The following XKR7 variants were observed in gnomAD, a reference collection of about 807,000 sequenced individuals.
The protein encoded by XKR7 is XK-related protein 7.
Under a neutral mutation model 42.2 loss-of-function variants are expected in XKR7, and 11 were observed. That is an observed-to-expected ratio of 0.26 (90% CI 0.16 to 0.43). The LOEUF is 0.43. Among genes scored for constraint, XKR7 ranks in the 20% least tolerant of loss-of-function variants. The probability of loss-of-function intolerance (pLI) is 1.00; values close to 1 mark genes in which losing one functional copy is unlikely to be tolerated. For missense variants in XKR7, 710 were observed against 802.2 expected (o/e 0.89, Z 1.39); for synonymous variants, 346 against 366.4 (o/e 0.94, Z 0.64).
intron 1 of XKR7, among the ~76,000 whole-genome samples, chr20:31,981,064 C>CAAAAA (rs1304530509): frequency 2.1e-5 from 2 of 94,496 alleles, no homozygotes; most frequent in African/African-American, 7.8e-5. Flanking sequence ...GACCCTGTCT[C>CAAAAA]AAAAAAAAAA....
Position 31,997,875 on chromosome 20 carries a change from TG to T in XKR7, c.*420del. On this transcript the variant is annotated 3_prime_UTR_variant, in exon 3 of 3. Transcript: ENST00000562532. ...GGTTGTGGAGAGTGGGCTGCCTCTA[TG>T]GTGGGAAAAGATCTCTGAGAAGGAT... is the stretch of plus-strand genomic sequence containing the variant. The T allele has an allele frequency of 5.6e-6, 1 of 178,292 alleles. No homozygotes were observed. The highest frequency in any genetic ancestry group is 5.4e-5 in the Admixed American group (1 of 18,598). 11.0% of individuals were successfully genotyped at this position (178,292 alleles called of 1,614,324 possible).
Position 31,996,596 on chromosome 20 carries a change from G to A in XKR7, c.879G>A (p.Pro293=), listed in dbSNP as rs1489809680. ...VLRDSRDDKR[P]LSYKGAVAQV... is the part of the protein sequence containing the mutation. ...GGGACTCGCGGGACGACAAGCGGCCGCTGTCCTACAAGGGCGCCGTGGCAC... is the reference window on the plus strand; with the variant it reads ...GGGACTCGCGGGACGACAAGCGGCCACTGTCCTACAAGGGCGCCGTGGCAC... Residue 293 remains proline, a synonymous_variant, in exon 3 of 3, where the codon CCG becomes CCA. Coordinates refer to ENST00000562532, the MANE Select transcript of XKR7 (RefSeq NM_001011718.2). The A allele has an allele frequency of 2.6e-6, 4 of 1,553,452 alleles. No individual in the cohort carries two copies. The highest frequency in any genetic ancestry group is 2.0e-5 in the Admixed American group (1 of 50,272).
At chr20:31,970,369 T>C (rs912820499) in intron 1 of XKR7, 2 of 152,234 alleles carry the variant, frequency 1.3e-5, no homozygotes, top group African/African-American at 4.8e-5. Flanking sequence ...TTCTCTTCTT[T>C]GTTAAGCATA....
At chr20:31,978,207 G>A (rs907467223) in intron 1 of XKR7, among the ~76,000 whole-genome samples, 4 of 152,114 alleles carry the variant, frequency 2.6e-5, no homozygotes, top group African/African-American at 9.7e-5. Flanking sequence ...CCAGACTCAA[G>A]CGATCCTCCT....
chr20:31,972,710 C>T lies in XKR7; in HGVS notation c.584+3951C>T, dbSNP rs561560749. ...TGACATGGGATTCCTGCCAGGCTTTCGGGATCTGGGAACCCCAAAATGGGG... is the reference window on the plus strand; with the variant it reads ...TGACATGGGATTCCTGCCAGGCTTTTGGGATCTGGGAACCCCAAAATGGGG... On this transcript the variant is annotated intron_variant, in intron 1 of 2. Coordinates refer to ENST00000562532, the MANE Select transcript of XKR7 (RefSeq NM_001011718.2). 4.6e-5 allele frequency among the ~76,000 whole-genome samples: 7 copies of T among 152,258 alleles called. No homozygotes were observed. The South Asian group carries it at 6.2e-4, about 14-fold the overall frequency.
chr20:31,977,592 A>T (rs2064491252), intron 1 of XKR7, among the ~76,000 whole-genome samples: 1 of 152,222 alleles, frequency 6.6e-6, no homozygotes, highest in Admixed American at 6.5e-5. Context: ...AACATCTACT[A>T]CAATGACTAT....
At chr20:31,989,064 T>TAAAC (rs905659435) in intron 1 of XKR7, among the ~76,000 whole-genome samples, 6 of 151,974 alleles carry the variant, frequency 3.9e-5, no homozygotes, top group Non-Finnish European at 8.8e-5. Flanking sequence ...AATAAATAAA[T>TAAAC]AAACGGTGAT....
chr20:31,985,176 G>T (rs2064531922), intron 1 of XKR7, among the ~76,000 whole-genome samples: 1 of 152,132 alleles, frequency 6.6e-6, no homozygotes, highest in African/African-American at 2.4e-5. Context: ...TCTCCCATCT[G>T]CCTCCCAGCC....
chr20:31,997,481 G>A lies in XKR7; in HGVS notation c.*24G>A. ...AGGCTACAGTGTCCCAGCACAAAAG[G>A]GACAGGCTTGGCTGATCCCACATCC... On this transcript the variant is annotated 3_prime_UTR_variant, in exon 3 of 3. Coordinates refer to ENST00000562532, the MANE Select transcript of XKR7 (RefSeq NM_001011718.2). 1 of 1,564,192 alleles carries A rather than the reference G, an allele frequency of 6.4e-7. No individual in the cohort carries two copies. Among genetic ancestry groups the A allele is most frequent in the Non-Finnish European group, 8.6e-7 (1 of 1,159,756 alleles).
chr20:31,976,246 G>C (rs1274068940), intron 1 of XKR7, among the ~76,000 whole-genome samples: 1 of 152,192 alleles, frequency 6.6e-6, no homozygotes, highest in Non-Finnish European at 1.5e-5. Context: ...AGGGTTTGAA[G>C]CCATGAGGTC....
rs889095960 is a variant in XKR7, at chr20:31,997,601, T to C, written c.*144T>C. 14 of 804,184 alleles carry C rather than the reference T, an allele frequency of 1.7e-5. No individual in the cohort carries two copies. In the South Asian group the frequency reaches 2.2e-4, roughly 13 times the overall value. 49.8% of individuals were successfully genotyped at this position (804,184 alleles called of 1,614,324 possible). A position where few individuals can be genotyped will look rare whatever the true frequency, so the allele number is the denominator to read the frequency against. ...AGAGTGGCCCCACTCTTGGGTTCTT[T>C]CAGGGGAGGGGGCAGCCTTGCGGAG... On this transcript the variant is annotated 3_prime_UTR_variant, in exon 3 of 3. Transcript: ENST00000562532.
chr20:31,976,277 G>A (rs2064484293), intron 1 of XKR7, among the ~76,000 whole-genome samples: 1 of 152,126 alleles, frequency 6.6e-6, no homozygotes, highest in Non-Finnish European at 1.5e-5. Flanking sequence ...ACCCACATGT[G>A]GAACCACCAA....
chr20:31,978,599 T>A (rs1249011185), intron 1 of XKR7, among the ~76,000 whole-genome samples: 1 of 152,238 alleles, frequency 6.6e-6, no homozygotes, highest in Non-Finnish European at 1.5e-5. Context: ...ATATCTGCAC[T>A]ATCCAATATA....
rs1390037597 is a variant in XKR7 at position 31,998,089 on chromosome 20, G to T, written c.*632G>T. 7.7e-6 allele frequency: 1 copy of T among 130,188 alleles called. No individual in the cohort carries two copies. The highest frequency in any genetic ancestry group is 1.6e-5 in the Non-Finnish European group (1 of 60,974). 8.1% of individuals were successfully genotyped at this position (130,188 alleles called of 1,614,324 possible). A position where few individuals can be genotyped will look rare whatever the true frequency, so the allele number is the denominator to read the frequency against. On this transcript the variant is annotated 3_prime_UTR_variant, in exon 3 of 3. Coordinates refer to ENST00000562532, the MANE Select transcript of XKR7 (RefSeq NM_001011718.2). ...TGGATAGGAGAAAGAACTGGGGGGG[G>T]GGTCTAGGCTGGCAGAAGCATGGAG...
chr20:31,981,701 A>C (rs1253858370), intron 1 of XKR7, among the ~76,000 whole-genome samples: 4 of 152,172 alleles, frequency 2.6e-5, no homozygotes, highest in Admixed American at 2.6e-4. Context: ...AAAAACAAAC[A>C]AACCAACAAA....
rs2064601601 is a variant in XKR7 at position 31,997,586 on chromosome 20, C to G, written c.*129C>G. ...TGTTGGTCCAAGGGTAGAGTGGCCC[C>G]ACTCTTGGGTTCTTTCAGGGGAGGG... On this transcript the variant is annotated 3_prime_UTR_variant, in exon 3 of 3. Coordinates refer to ENST00000562532, the MANE Select transcript of XKR7 (RefSeq NM_001011718.2). The G allele has an allele frequency of 1.1e-6, 1 of 909,896 alleles. No homozygotes were observed. The highest frequency in any genetic ancestry group is 2.9e-5 in the Admixed American group (1 of 34,458). The allele number at this position is 909,896 out of a possible 1,614,324, so 56.4% of individuals were successfully genotyped here.
chr20:31,971,125 G>GAGATAAGTCACA (rs1307065017), intron 1 of XKR7, among the ~76,000 whole-genome samples: 9 of 152,218 alleles, frequency 5.9e-5, no homozygotes, highest in Admixed American at 5.2e-4. Context: ...CAGGGCTTCT[G>GAGATAAGTCACA]TTGCACTGAG....
rs774187036 is a variant in XKR7, at chr20:31,997,407, C to T, written c.1690C>T (p.Arg564Trp). 8.8e-6 allele frequency: 14 copies of T among 1,599,436 alleles called. No homozygotes were observed. The highest frequency in any genetic ancestry group is 6.6e-5 in the South Asian group (6 of 91,074). The change falls in exon 3 of 3, where the codon CGG (arginine) becomes TGG (tryptophan). Residue 564 changes from arginine to tryptophan, a missense_variant. Arg to Trp is a moderately radical substitution (Grantham distance 101). Coordinates refer to ENST00000562532, the MANE Select transcript of XKR7 (RefSeq NM_001011718.2). ...SSPATPRLQYRSVGTSQELLE... is the reference protein window; with the variant it reads ...SSPATPRLQYWSVGTSQELLE... ...ACCTGCCACGCCCCGGTTGCAGTAC[C>T]GGAGTGTGGGGACTTCCCAGGAGCT...
chr20:31,993,310 A>C (rs551525128), intron 1 of XKR7, among the ~76,000 whole-genome samples: 1 of 152,252 alleles, frequency 6.6e-6, no homozygotes, highest in East Asian at 1.9e-4. Context: ...ACCAGGGCAG[A>C]AGGGAAATCA....
Sources: allele counts gnomAD v4.1 joint callset (sites outside exome capture counted in the v4.1 genomes callset), GRCh38; gene constraint gnomAD v4.1.1; transcripts MANE v1.5; gene names NCBI Gene and HGNC (gene_info 2026-07-23, HGNC 2026-07-21).